LIMK2: variants seen among roughly 807,000 people sequenced by gnomAD.
LIMK2 encodes the protein LIM domain kinase 2.
In LIMK2, 35 loss-of-function variants were observed where a neutral mutation model predicts 75.7. That is an observed-to-expected ratio of 0.46 (90% CI 0.35 to 0.61). The LOEUF (loss-of-function observed/expected upper bound fraction) is 0.61, where lower values mean the gene tolerates loss of function less well. LIMK2 is among the 20% of genes least tolerant of loss of function. The probability of loss-of-function intolerance (pLI) is 0.00; values close to 1 mark genes in which losing one functional copy is unlikely to be tolerated. For synonymous variants in LIMK2, 301 were observed against 319.2 expected, an observed-to-expected ratio of 0.94 and a Z score of 0.61; for missense variants, 623 against 831.0, an observed-to-expected ratio of 0.75 and a Z score of 3.08.
chr22:31,277,416 C>CAA (rs57244615), intron 15 of LIMK2: 20 of 1,006,230 alleles, frequency 2.0e-5, no homozygotes, highest in Admixed American at 5.8e-5. Context: ...TGGTGCAGCT[C>CAA]AAAAAAAAAA....
chr22:31,258,486 C>T, intron 3 of LIMK2, 60 bp downstream of exon 3: 2 of 1,564,556 alleles, frequency 1.3e-6, no homozygotes, highest in Admixed American at 1.7e-5. Context: ...ACAGTGCTTC[C>T]AGTTCCCTGT....
intron 2 of LIMK2, among the ~76,000 whole-genome samples, chr22:31,239,264 T>C (rs2048604952): frequency 6.6e-6 from 1 of 152,254 alleles, no homozygotes; most frequent in African/African-American, 2.4e-5. Context: ...CTGTTAAAAA[T>C]CACTGCTTGC....
intron 14 of LIMK2, among the ~76,000 whole-genome samples, chr22:31,274,375 T>TTA (rs2048990843): frequency 6.6e-6 from 1 of 151,870 alleles, no homozygotes; most frequent in Non-Finnish European, 1.5e-5. Flanking sequence ...AGACAAGGGA[T>TTA]GGTTAGGATA....
At chr22:31,247,493 A>AGG (rs1305944933) in intron 2 of LIMK2, among the ~76,000 whole-genome samples, 1 of 152,200 alleles carries the variant, frequency 6.6e-6, no homozygotes, top group East Asian at 1.9e-4. Context: ...GGTGTTCTGC[A>AGG]TGTGAACACT....
intron 2 of LIMK2, chr22:31,248,561 C>CGCAGCT (rs2048693190): frequency 1.2e-6 from 2 of 1,600,790 alleles, no homozygotes. Context: ...CTCAGGCTCC[C>CGCAGCT]GCAGCTGCTC....
rs1366597757 is a variant in LIMK2, at chr22:31,275,261, C to T, written c.1725C>T (p.Ala575=). 2 of 1,614,232 alleles carry T rather than the reference C, an allele frequency of 1.2e-6. No individual in the cohort carries two copies. The highest frequency in any genetic ancestry group is 1.6e-4 in the Middle Eastern group (1 of 6,062). The part of the protein sequence containing the change: ...EKFVPTDCPP[A]FFPLAAICCR... Reference sequence around the variant, plus strand: ...TTGTTCCCACAGATTGTCCCCCGGCCTTCTTCCCGCTGGCCGCCATCTGCT... The same window carrying T: ...TTGTTCCCACAGATTGTCCCCCGGCTTTCTTCCCGCTGGCCGCCATCTGCT... Residue 575 remains alanine, a synonymous_variant, in exon 15 of 16, where the codon GCC becomes GCT. Coordinates refer to ENST00000331728, the MANE Select transcript of LIMK2 (RefSeq NM_005569.4).
At position 31,225,754 on chromosome 22, in the gene LIMK2, C is replaced by T. The variant is rs2048471541; in HGVS notation, c.51C>T (p.Asp17=). The change falls in exon 2 of 16, where the codon GAC becomes GAT. Residue 17 remains aspartate, a synonymous_variant. Transcript: ENST00000331728. ...TCTGGAGGTGTCCAGGCTGTGGGGA[C>T]CACATTGCTCCAAGCCAGATATGGT... ...EDVWRCPGCG[D]HIAPSQIWYR... 6.2e-7 allele frequency: 1 copy of T among 1,613,940 alleles called. No homozygotes were observed. The highest frequency in any genetic ancestry group is 1.3e-5 in the African/African-American group (1 of 74,910).
At chr22:31,231,295 CT>C (rs1246030443) in intron 2 of LIMK2, among the ~76,000 whole-genome samples, 2 of 152,230 alleles carry the variant, frequency 1.3e-5, no homozygotes, top group Non-Finnish European at 2.9e-5. Flanking sequence ...GTGCTGTTAA[CT>C]TTCTTCTGGG....
At chr22:31,224,855 G>A (rs1435038492) in intron 1 of LIMK2, among the ~76,000 whole-genome samples, 1 of 152,170 alleles carries the variant, frequency 6.6e-6, no homozygotes, top group African/African-American at 2.4e-5. Flanking sequence ...CTAGAACAGG[G>A]GTCCCCAGCC....
intron 1 of LIMK2, among the ~76,000 whole-genome samples, chr22:31,222,278 C>A (rs1278447138): frequency 6.7e-6 from 1 of 150,016 alleles, no homozygotes; most frequent in African/African-American, 2.5e-5. Flanking sequence ...CCATGTTGGT[C>A]ATGGCTGGTC....
Position 31,272,601 on chromosome 22 carries a change from GGA to G in LIMK2, c.1458_1459del (p.Lys487GlyfsTer29). On this transcript the variant is annotated frameshift_variant, in exon 13 of 16. Coordinates refer to ENST00000331728, the MANE Select transcript of LIMK2 (RefSeq NM_005569.4). LOFTEE classifies it high-confidence loss of function. ...TGGAAGAGAGGAAAAGGGCCCCCAT[GGA>G]GAAGGCCACCACCAAGAAACGCACC... is the stretch of plus-strand genomic sequence containing the variant. ...IVEERKRAPM[E>X]KATTKKRTLR... The G allele has an allele frequency of 6.2e-7, 1 of 1,613,784 alleles. No homozygotes were observed. Among genetic ancestry groups the G allele is most frequent in the Non-Finnish European group, 8.5e-7 (1 of 1,179,922 alleles).
Position 31,278,467 on chromosome 22 carries a change from G to C in LIMK2, c.*26G>C, listed in dbSNP as rs201908679. 2.5e-6 allele frequency: 4 copies of C among 1,573,478 alleles called. No individual in the cohort carries two copies. The highest frequency in any genetic ancestry group is 1.4e-5 in the African/African-American group (1 of 73,866). ...CCCTGGCCCAGCCCCCTGCAGGGGG[G>C]TGTTCTACAGCCAGCATTGCCCCTC... On this transcript the variant is annotated 3_prime_UTR_variant, in exon 16 of 16. Transcript: ENST00000331728.
intron 7 of LIMK2, among the ~76,000 whole-genome samples, 187 bp from the exon 8 acceptor site, chr22:31,265,759 T>C (rs1222158962): frequency 1.3e-5 from 2 of 152,206 alleles, no homozygotes. Context: ...TTACTATGCT[T>C]AAATAAATGA....
intron 13 of LIMK2, 66 bp from the exon 14 acceptor site, chr22:31,273,386 C>T: frequency 6.9e-7 from 1 of 1,441,576 alleles, no homozygotes; most frequent in Non-Finnish European, 9.8e-7. Flanking sequence ...TTAGATTGAC[C>T]CTAGACCCAG....
intron 2 of LIMK2, among the ~76,000 whole-genome samples, chr22:31,227,788 G>T (rs1490536168): frequency 6.6e-6 from 1 of 152,182 alleles, no homozygotes; most frequent in Non-Finnish European, 1.5e-5. Flanking sequence ...TCCAAAATAA[G>T]CAGGACAGGG....
rs1349601025 is a variant in LIMK2 at position 31,258,308 on chromosome 22, A to G, written c.134A>G (p.Asp45Gly). 1.9e-6 allele frequency: 3 copies of G among 1,606,500 alleles called. No individual in the cohort carries two copies. The highest frequency in any genetic ancestry group is 2.6e-6 in the Non-Finnish European group (3 of 1,175,186). ...GSCFRCSECQ[D>G]SLTNWYYEKD... ...CCTTTCAGGTGTTCAGAATGCCAGG[A>G]TTCCCTCACCAACTGGTACTATGAG... is the stretch of plus-strand genomic sequence containing the variant. Residue 45 changes from aspartate to glycine, a missense_variant, in exon 3 of 16, where the codon GAT (aspartate) becomes GGT (glycine). This residue lies in a region of LIMK2 where 514 missense variants were observed against 661.3 expected (regional missense o/e 0.78). Coordinates refer to ENST00000331728, the MANE Select transcript of LIMK2 (RefSeq NM_005569.4).
At chr22:31,217,590 G>T in intron 1 of LIMK2, among the ~76,000 whole-genome samples, 1 of 152,174 alleles carries the variant, frequency 6.6e-6, no homozygotes, top group Non-Finnish European at 1.5e-5. Context: ...GACATTGTCT[G>T]GCATAAAGTA....
At chr22:31,237,330 G>C (rs1417441048) in intron 2 of LIMK2, among the ~76,000 whole-genome samples, 1 of 151,398 alleles carries the variant, frequency 6.6e-6, no homozygotes, top group East Asian at 1.9e-4. Flanking sequence ...TTGGGAGGTC[G>C]AGGCGGGCGG....
At chr22:31,247,863 T>C (rs1055981754) in intron 2 of LIMK2, among the ~76,000 whole-genome samples, 7 of 152,116 alleles carry the variant, frequency 4.6e-5, no homozygotes, top group African/African-American at 1.7e-4. Flanking sequence ...GGAGTGGAAG[T>C]GGCACCTCCC....
Sources: allele counts gnomAD v4.1 joint callset (sites outside exome capture counted in the v4.1 genomes callset), GRCh38; gene constraint gnomAD v4.1.1; regional missense constraint gnomAD v4.1.1; transcripts MANE v1.5; gene names NCBI Gene and HGNC (gene_info 2026-07-23, HGNC 2026-07-21).